The following SEMA4F variants were observed in gnomAD, a reference collection of about 807,000 sequenced individuals.
SEMA4F encodes semaphorin-4F.
SEMA4F carries 51 observed loss-of-function variants against 78.4 expected under a neutral mutation model. The ratio of observed to expected loss-of-function variants is 0.65; its 90% confidence interval spans 0.52 to 0.82. The LOEUF is 0.82. Among genes scored for constraint, SEMA4F ranks in the 40% least tolerant of loss-of-function variants. The probability of loss-of-function intolerance (pLI) is 0.00; values close to 1 mark genes in which losing one functional copy is unlikely to be tolerated. For synonymous variants in SEMA4F, 418 were observed against 408.7 expected, an observed-to-expected ratio of 1.02 and a Z score of -0.27; for missense variants, 938 against 1,014.4, an observed-to-expected ratio of 0.92 and a Z score of 1.02.
chr2:74,705,618 C>T, the SEMA4F span, among the ~76,000 whole-genome samples: 6 of 152,236 alleles, frequency 3.9e-5, no homozygotes, highest in Non-Finnish European at 2.9e-5. Flanking sequence ...GGCTAGAGTG[C>T]AGTGGCACAA....
chr2:74,698,230 C>A, the SEMA4F span, among the ~76,000 whole-genome samples: 2 of 152,248 alleles, frequency 1.3e-5, no homozygotes, highest in East Asian at 3.9e-4. Context: ...CTAGACAAAG[C>A]TGGAAAATCC....
In SEMA4F at chr2:74,657,497, C is replaced by G; in HGVS notation, c.298-68C>G. Reference sequence around the variant, plus strand: ...GATGGAGGTTATAGAACAGTTTAATCTCCTCTAACATCGAGGGAGTTTGAT... The same window carrying G: ...GATGGAGGTTATAGAACAGTTTAATGTCCTCTAACATCGAGGGAGTTTGAT... On this transcript the variant is annotated intron_variant, in intron 2 of 13. Transcript: ENST00000357877. 8 of 1,460,354 alleles carry G rather than the reference C, an allele frequency of 5.5e-6. No homozygotes were observed. In the South Asian group the frequency reaches 9.1e-5, roughly 17 times the overall value. The allele number at this position is 1,460,354 out of a possible 1,614,324, so 90.5% of individuals were successfully genotyped here.
intron 5 of SEMA4F, among the ~76,000 whole-genome samples, chr2:74,669,108 C>T (rs113964608): frequency 1.7e-4 from 26 of 151,900 alleles, no homozygotes; most frequent in Admixed American, 2.6e-4. Context: ...AAATTAAAGA[C>T]GGGGTCTTTA....
In SEMA4F at chr2:74,657,634, A is replaced by G. The variant is rs765846200; in HGVS notation, c.357+10A>G. On this transcript the variant is annotated intron_variant, in intron 3 of 13. Coordinates refer to ENST00000357877, the MANE Select transcript of SEMA4F (RefSeq NM_004263.5). ...GAAAGGCAAGAAAGAGGTAGGTGTA[A>G]ATCTGAGCCCTGTCTTGAGTGTCAG... 2.5e-6 allele frequency: 4 copies of G among 1,613,890 alleles called. No homozygotes were observed. The South Asian group carries it at 3.3e-5, about 13-fold the overall frequency.
At chr2:74,656,392 T>C in intron 1 of SEMA4F, 142 bp from the exon 2 acceptor site, 1 of 713,934 alleles carries the variant, frequency 1.4e-6, no homozygotes, top group East Asian at 2.5e-5. Flanking sequence ...TCTGGTTCAC[T>C]TGTCAAGGCT....
At chr2:74,659,053 G>C (rs1019544283) in intron 4 of SEMA4F, among the ~76,000 whole-genome samples, 1 of 152,188 alleles carries the variant, frequency 6.6e-6, no homozygotes, top group African/African-American at 2.4e-5. Flanking sequence ...TTGGACTTAT[G>C]TTAAGTCCTT....
In SEMA4F at chr2:74,683,003, C is replaced by T. The variant is rs574217953; in HGVS notation, c.*2794C>T. 2.6e-5 allele frequency: 4 copies of T among 152,704 alleles called. No homozygotes were observed. The highest frequency in any genetic ancestry group is 9.6e-5 in the African/African-American group (4 of 41,566). The allele number at this position is 152,704 out of a possible 1,614,324, so 9.5% of individuals were successfully genotyped here. A position where few individuals can be genotyped will look rare whatever the true frequency, so the allele number is the denominator to read the frequency against. ...GCCCACGTTTTCCCTGCTCCCTCTG[C>T]ATCCCAACTGACCCTGGTGCTTCCC... On this transcript the variant is annotated 3_prime_UTR_variant, in exon 14 of 14. Transcript: ENST00000357877.
intron 5 of SEMA4F, among the ~76,000 whole-genome samples, chr2:74,665,643 T>C (rs1299209292): frequency 6.6e-6 from 1 of 152,204 alleles, no homozygotes; most frequent in Non-Finnish European, 1.5e-5. Flanking sequence ...TTTTGAGTTG[T>C]CATGATTATC....
In SEMA4F at chr2:74,673,514, C is replaced by T. The variant is rs1356167504; in HGVS notation, c.608C>T (p.Thr203Ile). 1 of 1,614,160 alleles carries T rather than the reference C, an allele frequency of 6.2e-7. No homozygotes were observed. The highest frequency in any genetic ancestry group is 1.7e-5 in the Admixed American group (1 of 60,020). Residue 203 changes from threonine (T) to isoleucine (I), a missense_variant, in exon 6 of 14, where the codon ACC (threonine) becomes ATC (isoleucine). Physicochemically the swap from Thr to Ile is moderately conservative, Grantham distance 89. Transcript: ENST00000357877. ...TACCTGGGGACGGAGCCAATTATCA[C>T]CAGAGCAGTGGGTCGTGCCGAGGAC... ...KNYLGTEPII[T>I]RAVGRAEDWI... is the part of the protein sequence containing the mutation.
intron 5 of SEMA4F, among the ~76,000 whole-genome samples, chr2:74,672,196 G>C (rs1406796975): frequency 6.6e-6 from 1 of 152,080 alleles, no homozygotes; most frequent in Non-Finnish European, 1.5e-5. Flanking sequence ...TCTGCTCACT[G>C]GCCCTGCCCA....
the SEMA4F span, among the ~76,000 whole-genome samples, chr2:74,690,081 A>T: frequency 2.0e-5 from 3 of 152,182 alleles, no homozygotes; most frequent in East Asian, 5.8e-4. Flanking sequence ...CACAAGCCTG[A>T]GTCCCATAAT....
intron 4 of SEMA4F, among the ~76,000 whole-genome samples, chr2:74,660,859 A>T (rs1283329222): frequency 6.6e-6 from 1 of 152,236 alleles, no homozygotes; most frequent in African/African-American, 2.4e-5. Flanking sequence ...AATATGGGCT[A>T]GAGTTTAGAA....
intron 10 of SEMA4F, 67 bp downstream of exon 10, chr2:74,675,451 GTAATACA>G: frequency 6.3e-7 from 1 of 1,591,008 alleles, no homozygotes; most frequent in Non-Finnish European, 8.6e-7. Context: ...AGAGGGTACT[GTAATACA>G]TATAGGTCTG....
intron 4 of SEMA4F, among the ~76,000 whole-genome samples, chr2:74,661,238 A>T (rs1407006766): frequency 1.3e-5 from 2 of 152,226 alleles, no homozygotes; most frequent in Admixed American, 1.3e-4. Context: ...ATAACAGGTG[A>T]TCTGGTTTGG....
the SEMA4F span, among the ~76,000 whole-genome samples, chr2:74,691,981 C>T: frequency 3.3e-5 from 5 of 152,132 alleles, no homozygotes; most frequent in African/African-American, 7.2e-5. Context: ...TCCAGCCTTA[C>T]GGAGCAGGCC....
At chr2:74,670,402 C>T (rs1305723479) in intron 5 of SEMA4F, among the ~76,000 whole-genome samples, 1 of 152,196 alleles carries the variant, frequency 6.6e-6, no homozygotes, top group African/African-American at 2.4e-5. Context: ...CTGATCCCTC[C>T]TGCTGTTTCA....
chr2:74,657,624 G>A lies in SEMA4F; in HGVS notation c.357G>A (p.Glu119=). 2 of 1,614,118 alleles carry A rather than the reference G, an allele frequency of 1.2e-6. No individual in the cohort carries two copies. The highest frequency in any genetic ancestry group is 1.3e-5 in the African/African-American group (1 of 75,040). ...ACTGTAGGAAGAAAGGCAAGAAAGA[G>A]GTAGGTGTAAATCTGAGCCCTGTCT... The part of the protein sequence containing the change: ...RQNCRKKGKK[E]DECHNFVQIL... Residue 119 remains glutamate (E), a splice_region_variant and synonymous_variant, in exon 3 of 14, where the codon GAG becomes GAA. Coordinates refer to ENST00000357877, the MANE Select transcript of SEMA4F (RefSeq NM_004263.5).
the SEMA4F span, among the ~76,000 whole-genome samples, chr2:74,703,465 C>T: frequency 6.6e-6 from 1 of 152,206 alleles, no homozygotes; most frequent in African/African-American, 2.4e-5. Flanking sequence ...GGGAGTGGAA[C>T]TTAGCCGCGA....
At chr2:74,685,832 TC>T (rs1438842620), downstream of SEMA4F, among the ~76,000 whole-genome samples, 2 of 152,008 alleles carry the variant, frequency 1.3e-5, no homozygotes, top group Non-Finnish European at 2.9e-5. Context: ...AGGGCGAATA[TC>T]CAGGATCTAC....
Sources: allele counts gnomAD v4.1 joint callset (sites outside exome capture counted in the v4.1 genomes callset), GRCh38; gene constraint gnomAD v4.1.1; transcripts MANE v1.5; gene names NCBI Gene and HGNC (gene_info 2026-07-23, HGNC 2026-07-21).